Variants in CHD2 observed in about 807,000 individuals in gnomAD.
CHD2 encodes chromodomain helicase DNA binding protein 2.
CHD2 carries 28 observed loss-of-function variants against 243.9 expected under a neutral mutation model. The ratio of observed to expected loss-of-function variants is 0.11; its 90% CI spans 0.09 to 0.16. CHD2 has a LOEUF of 0.16. Among genes scored for constraint, CHD2 ranks in the 10% least tolerant of loss-of-function variants. The probability of loss-of-function intolerance (pLI) is 1.00; values close to 1 mark genes in which losing one functional copy is unlikely to be tolerated. For missense variants in CHD2, 1,386 were observed against 2,209.8 expected, an observed-to-expected ratio of 0.63 and a Z score of 7.47; for synonymous variants, 775 against 779.0, an observed-to-expected ratio of 0.99 and a Z score of 0.09.
intron 5 of CHD2, among the ~76,000 whole-genome samples, chr15:92,933,016 TATAAG>T (rs1250644386): frequency 6.6e-6 from 1 of 151,386 alleles, no homozygotes; most frequent in Admixed American, 6.6e-5. Flanking sequence ...GTGCTGGGCT[TATAAG>T]ATGAGCCACC....
intron 34 of CHD2, among the ~76,000 whole-genome samples, chr15:93,007,077 GTCAT>G (rs2054331054): frequency 1.3e-5 from 2 of 152,200 alleles, no homozygotes; most frequent in Non-Finnish European, 2.9e-5. Flanking sequence ...AAAATGGTGG[GTCAT>G]TCATTAGGTG....
intron 2 of CHD2, chr15:92,904,829 C>G: frequency 6.6e-7 from 1 of 1,507,522 alleles, no homozygotes; most frequent in Non-Finnish European, 8.8e-7. Flanking sequence ...TTACAATTGA[C>G]CAAAACGTTT....
chr15:92,905,049 G>A (rs1490510074), intron 2 of CHD2: 1 of 1,490,762 alleles, frequency 6.7e-7, no homozygotes, highest in South Asian at 1.2e-5. Context: ...GATTCACAGT[G>A]GGATAGTTTA....
chr15:92,953,641 C>CT, intron 14 of CHD2, 68 bp downstream of exon 14: 1 of 1,435,754 alleles, frequency 7.0e-7, no homozygotes, highest in Admixed American at 1.7e-5. Context: ...CACTTAAAGC[C>CT]TTCAGTAGAT....
At chr15:92,960,976 C>T (rs1349152671) in intron 16 of CHD2, among the ~76,000 whole-genome samples, 1 of 151,950 alleles carries the variant, frequency 6.6e-6, no homozygotes, top group Non-Finnish European at 1.5e-5. Context: ...TGCCTGTCTC[C>T]GCCGCCTAAA....
At chr15:92,989,157 G>A (rs1356173189) in intron 26 of CHD2, among the ~76,000 whole-genome samples, 2 of 150,482 alleles carry the variant, frequency 1.3e-5, no homozygotes, top group African/African-American at 4.9e-5. Flanking sequence ...TCAGCCTCCC[G>A]AGTAGCTGGG....
intron 2 of CHD2, among the ~76,000 whole-genome samples, chr15:92,912,848 C>T (rs569105086): frequency 6.6e-6 from 1 of 152,352 alleles, no homozygotes; most frequent in East Asian, 1.9e-4. Context: ...CTGCGCCAGG[C>T]CCTGACAAAC....
chr15:93,000,696 T>A, intron 32 of CHD2, 56 bp downstream of exon 32: 2 of 1,529,170 alleles, frequency 1.3e-6, no homozygotes, highest in Non-Finnish European at 1.8e-6. Flanking sequence ...ATACTTATCA[T>A]GCCAGCTGGA....
intron 2 of CHD2, among the ~76,000 whole-genome samples, chr15:92,918,660 C>G (rs946490457): frequency 6.6e-6 from 1 of 151,968 alleles, no homozygotes; most frequent in African/African-American, 2.4e-5. Flanking sequence ...AGCACTAAAG[C>G]TACAGCTTAG....
intron 2 of CHD2, chr15:92,904,715 TTAAAA>T (rs1236006685): frequency 2.9e-6 from 4 of 1,398,740 alleles, no homozygotes; most frequent in South Asian, 1.6e-5. Flanking sequence ...TTTGGAAATC[TTAAAA>T]TAGAAAATTT....
chr15:92,985,246 G>A (rs143200816), intron 25 of CHD2, among the ~76,000 whole-genome samples: 1,629 of 152,226 alleles, frequency 0.011, 13 homozygotes, highest in Non-Finnish European at 0.015. Context: ...TTTATAATGG[G>A]ATATTGTAAA....
chr15:92,942,811 C>T, intron 8 of CHD2, 32 bp from the exon 9 acceptor site: 2 of 1,533,092 alleles, frequency 1.3e-6, no homozygotes, highest in South Asian at 1.2e-5. Flanking sequence ...GTGTAATATA[C>T]TCTCTTTCAA....
At chr15:92,928,565 A>T (rs577874120) in intron 4 of CHD2, among the ~76,000 whole-genome samples, 1 of 152,218 alleles carries the variant, frequency 6.6e-6, no homozygotes, top group African/African-American at 2.4e-5. Flanking sequence ...ATGTTGTGGC[A>T]TTTTTATTTG....
At chr15:92,956,352 CAATT>C in intron 15 of CHD2, 103 bp from the exon 16 acceptor site, 1 of 790,284 alleles carries the variant, frequency 1.3e-6, no homozygotes. Context: ...ATAAATGTGT[CAATT>C]TATACCTTTG....
chr15:92,903,504 G>A (rs1489829314), intron 2 of CHD2, among the ~76,000 whole-genome samples: 2 of 152,114 alleles, frequency 1.3e-5, no homozygotes, highest in African/African-American at 2.4e-5. Context: ...ATATAAGTTT[G>A]TATTTTAATT....
chr15:93,001,413 A>G (rs1227332535), intron 32 of CHD2, among the ~76,000 whole-genome samples: 4 of 152,164 alleles, frequency 2.6e-5, no homozygotes, highest in African/African-American at 9.7e-5. Flanking sequence ...ACTTTATGGA[A>G]TTTCTGAGAG....
chr15:92,927,136 AC>A, intron 3 of CHD2, 107 bp from the exon 4 acceptor site: 1 of 795,492 alleles, frequency 1.3e-6, no homozygotes, highest in Non-Finnish European at 2.1e-6. Context: ...TAGCAAAACA[AC>A]CCTTTTGATA....
intron 38 of CHD2, 34 bp downstream of exon 38, chr15:93,020,292 C>A (rs762534083): frequency 6.8e-6 from 11 of 1,613,384 alleles, no homozygotes; most frequent in African/African-American, 1.3e-5. Context: ...CAGGTGCCAA[C>A]CTTTGCCAGG....
intron 37 of CHD2, among the ~76,000 whole-genome samples, chr15:93,017,627 G>A (rs999753088): frequency 3.3e-5 from 5 of 151,426 alleles, no homozygotes; most frequent in Admixed American, 6.6e-5. Context: ...GATAACAGGC[G>A]TGAGCCACTG....
Sources: gnomAD v4.1 joint callset for allele counts (sites outside exome capture counted in the v4.1 genomes callset) on GRCh38, gnomAD v4.1.1 for gene constraint, MANE v1.5 for transcripts, NCBI Gene and HGNC (gene_info 2026-07-23, HGNC 2026-07-21) for gene names.